Variants in DNAH7 observed in about 807,000 individuals in gnomAD.
The protein encoded by DNAH7 is dynein axonemal heavy chain 7.
Under a neutral mutation model 444.6 loss-of-function variants are expected in DNAH7, and 397 were observed. That is an observed-to-expected ratio of 0.89 (90% confidence interval 0.82 to 0.97). The LOEUF is 0.97. Ranked by LOEUF, DNAH7 falls within the 50% of genes least tolerant of loss-of-function variation. DNAH7 has a pLI of 0.00. For missense variants in DNAH7, 4,902 were observed against 4,800.8 expected (o/e 1.02, Z -0.62); for synonymous variants, 1,636 against 1,624.4 (o/e 1.01, Z -0.17).
At chr2:196,057,511 G>A (rs1697881379) in intron 2 of DNAH7, among the ~76,000 whole-genome samples, 1 of 152,112 alleles carries the variant, frequency 6.6e-6, no homozygotes, top group Non-Finnish European at 1.5e-5. Flanking sequence ...CTATTTTGTA[G>A]AACTTTTGGT....
At chr2:195,847,555 C>T (rs1394921642) in intron 46 of DNAH7, among the ~76,000 whole-genome samples, 5 of 151,416 alleles carry the variant, frequency 3.3e-5, no homozygotes, top group Non-Finnish European at 7.4e-5. Flanking sequence ...TGCTTATTAC[C>T]TGGGTGATGA....
chr2:195,789,757 T>A (rs1400884739), intron 57 of DNAH7, among the ~76,000 whole-genome samples: 1 of 150,508 alleles, frequency 6.6e-6, no homozygotes, highest in Non-Finnish European at 1.5e-5. Flanking sequence ...AATCTAATCA[T>A]GAGAAAACAT....
intron 10 of DNAH7, among the ~76,000 whole-genome samples, chr2:196,004,644 C>A (rs1694247220): frequency 6.6e-6 from 1 of 152,044 alleles, no homozygotes. Flanking sequence ...GCTGTAAACA[C>A]CTATGTCAAA....
At chr2:195,981,072 ATATAT>A (rs1310660843) in intron 15 of DNAH7, among the ~76,000 whole-genome samples, 11 of 152,248 alleles carry the variant, frequency 7.2e-5, no homozygotes, top group Non-Finnish European at 1.5e-4. Context: ...TTTGCAGATA[ATATAT>A]TATATTTGAA....
Position 195,817,709 on chromosome 2 carries a change from C to T in DNAH7, c.9412G>A (p.Ala3138Thr), listed in dbSNP as rs151147290. ...GACATTTAAAACCTTTTATTTTCAG[C>T]TCCTTGTAATATCAAGGCTTGCTTT... is the stretch of plus-strand genomic sequence containing the variant. Reference protein sequence around the residue: ...EEKQALILQGAENKRQLKEIE... With the variant: ...EEKQALILQGTENKRQLKEIE... The change falls in exon 50 of 65, where the codon GCT becomes ACT. Residue 3138 changes from alanine (A) to threonine (T), a missense_variant. Transcript: ENST00000312428. 3.1e-6 allele frequency: 5 copies of T among 1,607,120 alleles called. No homozygotes were observed. The highest frequency in any genetic ancestry group is 1.3e-5 in the African/African-American group (1 of 74,570).
chr2:195,966,335 T>TAAAATGTTTTA lies in DNAH7; in HGVS notation c.2205+3602_2205+3612dup, dbSNP rs541107604. 6.0e-3 allele frequency among the ~76,000 whole-genome samples: 918 copies of TAAAATGTTTTA among 152,322 alleles called. 4 individuals carry two copies. The highest frequency in any genetic ancestry group is 0.01 in the Non-Finnish European group (700 of 67,998). ...AGATGCTTGATATCATTTCCTTTTT[T>TAAAATGTTTTA]AAAATGTTTTAAACCATGTTTTGTG... On this transcript the variant is annotated intron_variant, in intron 17 of 64. Transcript: ENST00000312428.
intron 15 of DNAH7, among the ~76,000 whole-genome samples, chr2:195,973,448 GTTT>G (rs888791388): frequency 6.6e-6 from 1 of 151,688 alleles, no homozygotes; most frequent in Non-Finnish European, 1.5e-5. Context: ...GACCTATACA[GTTT>G]TTTTTGTTTG....
At chr2:195,825,832 T>C (rs1574501469) in intron 48 of DNAH7, among the ~76,000 whole-genome samples, 3 of 152,286 alleles carry the variant, frequency 2.0e-5, no homozygotes, top group South Asian at 2.1e-4. Context: ...TGGATCTCAA[T>C]TGCCATGAAA....
intron 46 of DNAH7, among the ~76,000 whole-genome samples, chr2:195,847,400 C>T (rs533186968): frequency 6.6e-6 from 1 of 151,628 alleles, no homozygotes; most frequent in East Asian, 1.9e-4. Flanking sequence ...AAAAGGAAAC[C>T]AAACACTGCA....
At chr2:196,004,161 A>G (rs955301186) in intron 10 of DNAH7, among the ~76,000 whole-genome samples, 4 of 152,236 alleles carry the variant, frequency 2.6e-5, no homozygotes, top group Admixed American at 6.5e-5. Context: ...TACTTTCTCA[A>G]CAAAAGGGAG....
At chr2:195,980,815 T>TAAAA (rs59787108) in intron 15 of DNAH7, among the ~76,000 whole-genome samples, 1 of 144,006 alleles carries the variant, frequency 6.9e-6, no homozygotes, top group African/African-American at 2.5e-5. Context: ...TGCTTCATGA[T>TAAAA]AAAAAAAAAA....
intron 54 of DNAH7, among the ~76,000 whole-genome samples, chr2:195,804,417 T>C (rs544870960): frequency 2.0e-5 from 3 of 152,250 alleles, no homozygotes; most frequent in African/African-American, 7.2e-5. Context: ...CTAACAATTA[T>C]TTTTTTATTA....
intron 12 of DNAH7, among the ~76,000 whole-genome samples, chr2:195,997,814 A>G (rs1167848289): frequency 1.3e-5 from 2 of 152,144 alleles, no homozygotes; most frequent in African/African-American, 4.8e-5. Context: ...ATGATACCCT[A>G]CATATCACTT....
chr2:195,832,694 A>T (rs1167222480), intron 48 of DNAH7, among the ~76,000 whole-genome samples: 2 of 152,104 alleles, frequency 1.3e-5, no homozygotes, highest in African/African-American at 4.8e-5. Context: ...CTCCCGTCTC[A>T]GCCTCCTAAA....
intron 52 of DNAH7, among the ~76,000 whole-genome samples, chr2:195,809,541 G>T (rs1696864444): frequency 6.6e-6 from 1 of 152,028 alleles, no homozygotes; most frequent in African/African-American, 2.4e-5. Context: ...TAATTTAATA[G>T]TAACATAATG....
At chr2:195,901,747 T>C (rs1483155757) in intron 27 of DNAH7, 2 of 152,120 alleles carry the variant, frequency 1.3e-5, no homozygotes, top group African/African-American at 4.8e-5. Context: ...GAAGTCACAA[T>C]GTCAGTCTTT....
chr2:196,012,369 G>T (rs1213760823), intron 10 of DNAH7, among the ~76,000 whole-genome samples: 4 of 151,942 alleles, frequency 2.6e-5, no homozygotes, highest in Non-Finnish European at 5.9e-5. Context: ...TCATTTAAAC[G>T]ATATACTTTC....
At chr2:196,024,341 C>T (rs1252470584) in intron 8 of DNAH7, 88 bp downstream of exon 8, 1 of 810,870 alleles carries the variant, frequency 1.2e-6, no homozygotes, top group Admixed American at 3.6e-5. Context: ...AAATTATAAA[C>T]ATACATTTGA....
intron 12 of DNAH7, chr2:195,994,321 C>T (rs191631470): frequency 0.011 from 6,338 of 559,778 alleles, 88 homozygotes; most frequent in Non-Finnish European, 0.011. Context: ...CTGATGCCTT[C>T]CTCCTCCCCA....
Sources: allele counts gnomAD v4.1 joint callset (sites outside exome capture counted in the v4.1 genomes callset), GRCh38; gene constraint gnomAD v4.1.1; transcripts MANE v1.5; gene names NCBI Gene and HGNC (gene_info 2026-07-23, HGNC 2026-07-21).